The following GADL1 variants were observed in gnomAD, a reference collection of about 807,000 sequenced individuals.
GADL1 encodes the protein acidic amino acid decarboxylase GADL1.
In GADL1, 71 loss-of-function variants were observed where a neutral mutation model predicts 69.5. The ratio of observed to expected loss-of-function variants is 1.02; its 90% CI spans 0.84 to 1.25. The LOEUF (loss-of-function observed/expected upper bound fraction) is 1.25. GADL1 is among the 50% of genes most tolerant of loss of function. The pLI is 0.00. For synonymous variants in GADL1, 254 were observed against 214.4 expected (o/e 1.18, Z -1.62); for missense variants, 737 against 631.8 (o/e 1.17, Z -1.79).
chr3:30,727,851 A>C lies in GADL1; in HGVS notation c.*391T>G, dbSNP rs1695392826. The stretch of plus-strand genomic sequence containing the variant: ...GAATCTGCATTTTTAGCAAGTTCCC[A>C]GGTGATGCTTTGATGCTGATAGTCC... On this transcript the variant is annotated 3_prime_UTR_variant, in exon 15 of 15. Coordinates refer to ENST00000282538, the MANE Select transcript of GADL1 (RefSeq NM_207359.3). 6.5e-6 allele frequency: 1 copy of C among 154,034 alleles called. No individual in the cohort carries two copies. Among genetic ancestry groups the C allele is most frequent in the Non-Finnish European group, 1.4e-5 (1 of 69,372 alleles). 9.5% of individuals were successfully genotyped at this position (154,034 alleles called of 1,614,324 possible). A position where few individuals can be genotyped will look rare whatever the true frequency, so the allele number is the denominator to read the frequency against.
At chr3:30,785,486 A>C (rs555512506) in intron 13 of GADL1, among the ~76,000 whole-genome samples, 1 of 151,276 alleles carries the variant, frequency 6.6e-6, no homozygotes, top group African/African-American at 2.4e-5. Flanking sequence ...GGTTTAAGCA[A>C]TTCTCCTGCC....
chr3:30,894,594 G>A lies in GADL1; in HGVS notation c.21C>T (p.Arg7=). 6.4e-7 allele frequency: 1 copy of A among 1,551,098 alleles called. No homozygotes were observed. The highest frequency in any genetic ancestry group is 8.7e-7 in the Non-Finnish European group (1 of 1,146,730). The part of the protein sequence containing the change: MSSDSD[R]QCPVDGDIDQ... ...AGTCGTTACCGTCCACAGGACACTG[G>A]CGGTCCGAGTCGCTGCTCATCTCCG... Residue 7 remains arginine (R), a synonymous_variant, in exon 1 of 15, where the codon CGC becomes CGT. Coordinates refer to ENST00000282538, the MANE Select transcript of GADL1 (RefSeq NM_207359.3).
At chr3:30,889,318 C>T (rs1698753015) in intron 1 of GADL1, among the ~76,000 whole-genome samples, 1 of 152,156 alleles carries the variant, frequency 6.6e-6, no homozygotes. Context: ...TGGGTGGGGA[C>T]ACAGCCAAAC....
chr3:30,788,548 T>C (rs1159585703), intron 12 of GADL1, among the ~76,000 whole-genome samples: 2 of 152,326 alleles, frequency 1.3e-5, no homozygotes, highest in East Asian at 3.9e-4. Flanking sequence ...GGACAATTTC[T>C]TACAATAAGG....
At chr3:30,871,568 T>C (rs968218260) in intron 1 of GADL1, among the ~76,000 whole-genome samples, 37 of 151,956 alleles carry the variant, frequency 2.4e-4, no homozygotes, top group African/African-American at 8.5e-4. Flanking sequence ...CAGAATAAGA[T>C]GGGAGAAAAT....
chr3:30,736,217 A>G (rs1394491199), intron 14 of GADL1, among the ~76,000 whole-genome samples: 7 of 152,056 alleles, frequency 4.6e-5, no homozygotes, highest in South Asian at 2.1e-4. Context: ...TTTCATGGCC[A>G]TAAGTGTCCC....
chr3:30,791,948 C>A (rs1214834114), intron 12 of GADL1, among the ~76,000 whole-genome samples: 1 of 152,172 alleles, frequency 6.6e-6, no homozygotes, highest in African/African-American at 2.4e-5. Context: ...TCACCTTCTG[C>A]CATGATTGTG....
rs912154714 is a variant in GADL1 at position 30,864,387 on chromosome 3, TAC to T, written c.38-2624_38-2623del. Among the ~76,000 whole-genome samples, 4 of 150,754 alleles carry T rather than the reference TAC, an allele frequency of 2.7e-5. No homozygotes were observed. In the South Asian group the frequency reaches 6.3e-4, roughly 24 times the overall value. ...TCCGTGTGTGTGTGTGTCACACACA[TAC>T]ACACACACGATAAAATAAAAAATGT... On this transcript the variant is annotated intron_variant, in intron 1 of 14. Coordinates refer to ENST00000282538, the MANE Select transcript of GADL1 (RefSeq NM_207359.3).
At position 30,727,971 on chromosome 3, in the gene GADL1, T is replaced by C. The variant is rs1435651668; in HGVS notation, c.*271A>G. ...TTAGAATCCAGAACCTACATGGTAC[T>C]TACTAAACTCTCTTCAGAGCTGTGT... On this transcript the variant is annotated 3_prime_UTR_variant, in exon 15 of 15. Coordinates refer to ENST00000282538, the MANE Select transcript of GADL1 (RefSeq NM_207359.3). The C allele has an allele frequency of 6.7e-6, 2 of 297,852 alleles. No individual in the cohort carries two copies. Among genetic ancestry groups the C allele is most frequent in the Admixed American group, 4.6e-5 (1 of 21,748 alleles). 18.5% of individuals were successfully genotyped at this position (297,852 alleles called of 1,614,324 possible). A position where few individuals can be genotyped will look rare whatever the true frequency, so the allele number is the denominator to read the frequency against.
chr3:30,882,425 G>A (rs1408355249), intron 1 of GADL1, among the ~76,000 whole-genome samples: 1 of 151,904 alleles, frequency 6.6e-6, no homozygotes, highest in Admixed American at 6.6e-5. Context: ...CATAAATGGA[G>A]TTATAGTATT....
At chr3:30,766,511 C>A (rs1277997196) in intron 14 of GADL1, among the ~76,000 whole-genome samples, 1 of 152,168 alleles carries the variant, frequency 6.6e-6, no homozygotes, top group Admixed American at 6.5e-5. Flanking sequence ...TTTACATGTA[C>A]TATCCTATTT....
chr3:30,764,240 C>T lies in GADL1; in HGVS notation c.1392+13939G>A, dbSNP rs553032807. On this transcript the variant is annotated intron_variant, in intron 14 of 14. Coordinates refer to ENST00000282538, the MANE Select transcript of GADL1 (RefSeq NM_207359.3). ...AATTCTCTTAAGAGATTTTTAGATC[C>T]GAGTCATTTTCCCTACTCAAATTTG... Among the ~76,000 whole-genome samples the T allele has an allele frequency of 2.1e-4, 32 of 150,818 alleles. 1 individual carries two copies. Among genetic ancestry groups the T allele is most frequent in the African/African-American group, 6.8e-4 (28 of 40,898 alleles).
At chr3:30,807,547 C>T (rs1575214553) in intron 11 of GADL1, among the ~76,000 whole-genome samples, 1 of 152,182 alleles carries the variant, frequency 6.6e-6, no homozygotes. Flanking sequence ...TTAAATGGAA[C>T]ACTCTAAAGG....
intron 14 of GADL1, among the ~76,000 whole-genome samples, chr3:30,764,759 C>T (rs138292856): frequency 2.0e-5 from 3 of 152,172 alleles, no homozygotes; most frequent in Non-Finnish European, 2.9e-5. Flanking sequence ...TAGTCCACCT[C>T]GGTATACTTC....
At chr3:30,828,479 T>TC (rs1553601346) in intron 11 of GADL1, among the ~76,000 whole-genome samples, 2 of 133,400 alleles carry the variant, frequency 1.5e-5, no homozygotes, top group Admixed American at 7.7e-5. Context: ...AAAATAAAAG[T>TC]GGGGGGGGTG....
At chr3:30,783,339 T>G (rs1321114862) in intron 13 of GADL1, among the ~76,000 whole-genome samples, 1 of 152,052 alleles carries the variant, frequency 6.6e-6, no homozygotes, top group Non-Finnish European at 1.5e-5. Context: ...CACAGAAAAA[T>G]AGAGATGATT....
chr3:30,857,166 T>C (rs1356336088), intron 2 of GADL1, 25 bp from the exon 3 acceptor site: 2 of 1,547,704 alleles, frequency 1.3e-6, no homozygotes, highest in East Asian at 4.9e-5. Context: ...ACAACACAAA[T>C]TGAGTATCCA....
At chr3:30,761,048 C>T (rs899393453) in intron 14 of GADL1, among the ~76,000 whole-genome samples, 3 of 152,138 alleles carry the variant, frequency 2.0e-5, no homozygotes, top group South Asian at 4.1e-4. Context: ...CATTTTGCAA[C>T]TAGTATTGTA....
chr3:30,734,252 A>G (rs1695509009), intron 14 of GADL1, among the ~76,000 whole-genome samples: 1 of 152,198 alleles, frequency 6.6e-6, no homozygotes. Context: ...GTTTAAGTAT[A>G]TTCTTCAGTG....
Sources: gnomAD v4.1 joint callset for allele counts (sites outside exome capture counted in the v4.1 genomes callset) on GRCh38, gnomAD v4.1.1 for gene constraint, MANE v1.5 for transcripts, NCBI Gene and HGNC (gene_info 2026-07-23, HGNC 2026-07-21) for gene names.